Variants in CACNA1E observed in about 807,000 individuals in gnomAD.
CACNA1E encodes the protein voltage-dependent R-type calcium channel subunit alpha-1E.
A neutral mutation model predicts 259.2 loss-of-function variants in CACNA1E; 40 were observed. The observed-to-expected ratio is 0.15, with a 90% CI of 0.12 to 0.20. The LOEUF (loss-of-function observed/expected upper bound fraction) is 0.20. Ranked by LOEUF, CACNA1E falls within the 10% of genes least tolerant of loss-of-function variation. The pLI, the probability that CACNA1E is intolerant of heterozygous loss-of-function variation, is 1.00. For missense variants in CACNA1E, 1,874 were observed against 3,040.1 expected, an observed-to-expected ratio of 0.62 and a Z score of 9.02; for synonymous variants, 1,104 against 1,138.5, an observed-to-expected ratio of 0.97 and a Z score of 0.61.
In CACNA1E at chr1:181,500,336, G is replaced by C. The variant is rs142772505; in HGVS notation, c.267-10141G>C. Among the ~76,000 whole-genome samples, 464 of 152,336 alleles carry C rather than the reference G, an allele frequency of 3.0e-3. 3 individuals carry two copies. Among genetic ancestry groups the C allele is most frequent in the African/African-American group, 0.01 (425 of 41,558 alleles). On this transcript the variant is annotated intron_variant, in intron 1 of 47. Coordinates refer to ENST00000367573, the MANE Select transcript of CACNA1E (RefSeq NM_001205293.3). ...ATAAGTGCTGTGCTGAAACTGGCTT[G>C]TCCCAGCTCTTGAGTGTCCTCTCTG...
chr1:181,396,383 A>G (rs991667142), intron 1 of CACNA1E, among the ~76,000 whole-genome samples: 12 of 152,242 alleles, frequency 7.9e-5, no homozygotes, highest in Non-Finnish European at 1.6e-4. Context: ...CACATCAAGC[A>G]TGACAAGAAC....
intron 3 of CACNA1E, among the ~76,000 whole-genome samples, chr1:181,528,262 C>T (rs950016751): frequency 5.9e-5 from 9 of 152,156 alleles, no homozygotes; most frequent in African/African-American, 2.2e-4. Context: ...TTTGCTTCTT[C>T]CTCATTTTTC....
intron 7 of CACNA1E, among the ~76,000 whole-genome samples, chr1:181,660,635 C>G (rs534353307): frequency 1.3e-5 from 2 of 152,188 alleles, no homozygotes; most frequent in East Asian, 3.9e-4. Flanking sequence ...GGAGGTGGTT[C>G]CTGAGTGTTT....
In CACNA1E at chr1:181,676,504, G is replaced by A. The variant is rs546396908; in HGVS notation, c.1055+25063G>A. Among the ~76,000 whole-genome samples, 4 of 152,188 alleles carry A rather than the reference G, an allele frequency of 2.6e-5. No homozygotes were observed. The South Asian group carries it at 8.3e-4, about 32-fold the overall frequency. The stretch of plus-strand genomic sequence containing the variant: ...GTGCTTGTTTGATATTGTTGCCCAC[G>A]AGACTATCTAGGGTGTACATTATGA... On this transcript the variant is annotated intron_variant, in intron 7 of 47. Coordinates refer to ENST00000367573, the MANE Select transcript of CACNA1E (RefSeq NM_001205293.3).
rs1490051769 is a variant in CACNA1E at position 181,733,443 on chromosome 1, C to T, written c.2955C>T (p.Asn985=). Residue 985 remains asparagine (N), a synonymous_variant, in exon 21 of 48, where the codon AAC becomes AAT. Coordinates refer to ENST00000367573, the MANE Select transcript of CACNA1E (RefSeq NM_001205293.3). The stretch of plus-strand genomic sequence containing the variant: ...TCTTCCTCTCTCTTCACAGGACCAA[C>T]AGTCTGATGGTGTCCAGAGGCTCCG... ...EERAQDLRRT[N]SLMVSRGSGL... 5.9e-6 allele frequency: 9 copies of T among 1,519,338 alleles called. No homozygotes were observed. Among genetic ancestry groups the T allele is most frequent in the Admixed American group, 2.1e-5 (1 of 46,726 alleles). The allele number at this position is 1,519,338 out of a possible 1,614,324, so 94.1% of individuals were successfully genotyped here. A position where few individuals can be genotyped will look rare whatever the true frequency, so the allele number is the denominator to read the frequency against.
At chr1:181,393,304 AGC>A (rs1284172882) in intron 1 of CACNA1E, among the ~76,000 whole-genome samples, 1 of 152,222 alleles carries the variant, frequency 6.6e-6, no homozygotes, top group Non-Finnish European at 1.5e-5. Context: ...CCTTCCTTAC[AGC>A]ATTATCATAG....
Position 181,416,126 on chromosome 1 carries a change from C to A in CACNA1E, c.434+2546C>A, listed in dbSNP as rs116658500. ...GGTCTGGAAAGTCCTTGGACATGCTCAGTTATCTCTTCATGCTACCTCACA... is the reference window on the plus strand; with the variant it reads ...GGTCTGGAAAGTCCTTGGACATGCTAAGTTATCTCTTCATGCTACCTCACA... On this transcript the variant is annotated intron_variant, in intron 2 of 11. Coordinates refer to the CACNA1E transcript ENST00000524607. 4.3e-3 allele frequency among the ~76,000 whole-genome samples: 657 copies of A among 152,186 alleles called. 2 individuals are homozygous for A. The highest frequency in any genetic ancestry group is 0.017 in the Middle Eastern group (5 of 292).
chr1:181,680,679 C>G (rs1649868617), intron 7 of CACNA1E, among the ~76,000 whole-genome samples: 1 of 152,242 alleles, frequency 6.6e-6, no homozygotes, highest in Non-Finnish European at 1.5e-5. Context: ...TCACCACACC[C>G]CATCCCTGTC....
intron 7 of CACNA1E, among the ~76,000 whole-genome samples, chr1:181,668,077 G>T (rs1047316365): frequency 6.6e-6 from 1 of 152,000 alleles, no homozygotes; most frequent in Non-Finnish European, 1.5e-5. Context: ...ATTTTATCAC[G>T]TGTAAATTTG....
chr1:181,437,945 G>A (rs1400374592), intron 2 of CACNA1E, among the ~76,000 whole-genome samples: 1 of 152,146 alleles, frequency 6.6e-6, no homozygotes, highest in Non-Finnish European at 1.5e-5. Context: ...CTTAACTCAG[G>A]TGTCTAATGA....
intron 2 of CACNA1E, among the ~76,000 whole-genome samples, chr1:181,422,524 A>C (rs541514237): frequency 1.1e-4 from 17 of 152,322 alleles, no homozygotes; most frequent in African/African-American, 3.4e-4. Context: ...CAGGTTGGTT[A>C]ACTTACAGGT....
chr1:181,659,660 C>T (rs528323408), intron 7 of CACNA1E, among the ~76,000 whole-genome samples: 32 of 152,284 alleles, frequency 2.1e-4, no homozygotes, highest in African/African-American at 7.2e-4. Context: ...CTTCCATATA[C>T]GTGTGGGGAG....
chr1:181,471,626 A>T (rs1662516853), intron 2 of CACNA1E, among the ~76,000 whole-genome samples: 1 of 152,204 alleles, frequency 6.6e-6, no homozygotes, highest in Non-Finnish European at 1.5e-5. Flanking sequence ...AAAAAAATGT[A>T]ATTAATTTGA....
At chr1:181,743,588 G>A (rs1656780330) in intron 25 of CACNA1E, among the ~76,000 whole-genome samples, 1 of 152,214 alleles carries the variant, frequency 6.6e-6, no homozygotes, top group African/African-American at 2.4e-5. Context: ...CATGTTTCAT[G>A]TGTTTCATGT....
At chr1:181,365,377 G>A (rs903538746) in intron 1 of CACNA1E, among the ~76,000 whole-genome samples, 1 of 152,182 alleles carries the variant, frequency 6.6e-6, no homozygotes, top group Non-Finnish European at 1.5e-5. Context: ...CTGCTACGTT[G>A]CCCAGGCTGG....
chr1:181,436,562 A>T (rs953790436), intron 2 of CACNA1E, among the ~76,000 whole-genome samples: 1 of 152,250 alleles, frequency 6.6e-6, no homozygotes, highest in African/African-American at 2.4e-5. Context: ...TTGTGACAAC[A>T]TGGGTGAACC....
intron 26 of CACNA1E, among the ~76,000 whole-genome samples, chr1:181,750,923 A>ATCTT (rs1657537066): frequency 6.6e-6 from 1 of 150,802 alleles, no homozygotes; most frequent in Non-Finnish European, 1.5e-5. Flanking sequence ...TCGATTAAAT[A>ATCTT]TCTTTTGGCC....
intron 8 of CACNA1E, 98 bp downstream of exon 8, chr1:181,711,167 C>A: frequency 3.6e-6 from 3 of 825,602 alleles, no homozygotes; most frequent in Non-Finnish European, 6.2e-6. Flanking sequence ...GCAGCCTAGA[C>A]AAGACAAGAG....
chr1:181,358,247 C>A (rs573201187), intron 1 of CACNA1E, among the ~76,000 whole-genome samples: 1 of 152,188 alleles, frequency 6.6e-6, no homozygotes, highest in African/African-American at 2.4e-5. Context: ...TAGCAGTAGT[C>A]TTTCTCTTGT....
Sources: allele counts gnomAD v4.1 joint callset (sites outside exome capture counted in the v4.1 genomes callset), GRCh38; gene constraint gnomAD v4.1.1; transcripts MANE v1.5; gene names NCBI Gene and HGNC (gene_info 2026-07-23, HGNC 2026-07-21).